Variants in MYADM observed in about 807,000 individuals in gnomAD.
MYADM encodes myeloid associated differentiation marker, also known as myeloid-associated differentiation marker.
For missense variants in MYADM, 416 were observed against 443.4 expected (o/e 0.94, Z 0.56); for synonymous variants, 224 against 210.2 (o/e 1.07, Z -0.57).
At chr19:53,866,801 G>A (rs2068252516), upstream of MYADM, among the ~76,000 whole-genome samples, 1 of 152,180 alleles carries the variant, frequency 6.6e-6, no homozygotes, top group Non-Finnish European at 1.5e-5. This position sits in a 1 kb window ranked among gnomAD's most constrained non-coding sequence, Gnocchi z 4.3. Context: ...ACCCGAGTCT[G>A]AGCTTTAATG....
chr19:53,867,695 G>A (rs2068265756), upstream of MYADM, among the ~76,000 whole-genome samples: 1 of 152,152 alleles, frequency 6.6e-6, no homozygotes, highest in Admixed American at 6.5e-5. Context: ...GGGGTGGGGC[G>A]GGAGCTCCAC....
rs959493739 is a variant in MYADM, at chr19:53,873,189, G to A, written c.-2-339G>A. On this transcript the variant is annotated intron_variant, in intron 2 of 2. Transcript: ENST00000391770. The surrounding 1 kb of genome is among the most constrained non-coding windows in gnomAD (Gnocchi z 4.3). ...GATCGAGACCATCCTGGCTAACACA[G>A]TGAAACCCCGTCTCTACTAAAAATA... 2.6e-5 allele frequency among the ~76,000 whole-genome samples: 4 copies of A among 152,156 alleles called. No homozygotes were observed. The highest frequency in any genetic ancestry group is 9.7e-5 in the African/African-American group (4 of 41,434).
intron 2 of MYADM, among the ~76,000 whole-genome samples, 185 bp downstream of exon 2, chr19:53,870,023 G>A (rs1201042602): frequency 3.9e-5 from 5 of 126,928 alleles, no homozygotes; most frequent in Non-Finnish European, 8.0e-5. Flanking sequence ...TGGGCTCCTG[G>A]GTCCGAGGGA....
intron 2 of MYADM, among the ~76,000 whole-genome samples, chr19:53,870,719 A>G (rs80277327): frequency 6.6e-6 from 1 of 152,276 alleles, no homozygotes; most frequent in East Asian, 1.9e-4. Flanking sequence ...CCTTGGGTTT[A>G]GTCCTGTGGC....
Position 53,873,632 on chromosome 19 carries a change from C to T in MYADM, c.103C>T (p.Pro35Ser), listed in dbSNP as rs769590254. The T allele has an allele frequency of 3.1e-6, 5 of 1,614,086 alleles. No individual in the cohort carries two copies. Among genetic ancestry groups the T allele is most frequent in the Non-Finnish European group, 4.2e-6 (5 of 1,180,058 alleles). ...GGGGTCCCCTCGGGCCCTGACACAG[C>T]CCCTGGGTCTCCTTCGCCTGCTGCA... Reference protein sequence around the residue: ...IVGSPRALTQPLGLLRLLQLV... With the variant: ...IVGSPRALTQSLGLLRLLQLV... Residue 35 changes from proline to serine, a missense_variant, in exon 3 of 3, where the codon CCC becomes TCC. Coordinates refer to ENST00000391770, the MANE Select transcript of MYADM (RefSeq NM_138373.5). This position sits in a 1 kb window ranked among gnomAD's most constrained non-coding sequence, Gnocchi z 4.3.
chr19:53,869,200 A>G (rs1272284186), intron 1 of MYADM: 1 of 152,332 alleles, frequency 6.6e-6, no homozygotes, highest in Admixed American at 6.5e-5. Flanking sequence ...AGCCCCTCAG[A>G]GGCCCGGGTC....
chr19:53,874,418 G>A lies in MYADM; in HGVS notation c.889G>A (p.Ala297Thr). Residue 297 changes from alanine (A) to threonine (T), a missense_variant, in exon 3 of 3, where the codon GCC (alanine) becomes ACC (threonine). By Grantham distance (58) the Ala-to-Thr change is moderately conservative. Transcript: ENST00000391770. Reference sequence around the variant, plus strand: ...TGCCTGGGACCGCCGACTGGCTGTGGCCATCCTGACGGCCATCAACCTACT... The same window carrying A: ...TGCCTGGGACCGCCGACTGGCTGTGACCATCCTGACGGCCATCAACCTACT... The part of the protein sequence containing the change: ...VCAWDRRLAV[A>T]ILTAINLLAY... 1.9e-6 allele frequency: 3 copies of A among 1,614,180 alleles called. No individual in the cohort carries two copies. The highest frequency in any genetic ancestry group is 1.3e-5 in the African/African-American group (1 of 75,066).
At position 53,873,440 on chromosome 19, in the gene MYADM, A is replaced by G. The variant is rs1184224720; in HGVS notation, c.-2-88A>G. ...GAACTCCCTAATTAGAGCTCATATTAATTTGTCCCTGGGGTAGGCAATGGC... is the reference window on the plus strand; with the variant it reads ...GAACTCCCTAATTAGAGCTCATATTGATTTGTCCCTGGGGTAGGCAATGGC... On this transcript the variant is annotated intron_variant, in intron 2 of 2. Coordinates refer to ENST00000391770, the MANE Select transcript of MYADM (RefSeq NM_138373.5). The surrounding 1 kb of genome is among the most constrained non-coding windows in gnomAD (Gnocchi z 4.3). 1 of 1,388,792 alleles carries G rather than the reference A, an allele frequency of 7.2e-7. No homozygotes were observed. Among genetic ancestry groups the G allele is most frequent in the African/African-American group, 1.4e-5 (1 of 69,152 alleles). The allele number at this position is 1,388,792 out of a possible 1,614,324, so 86.0% of individuals were successfully genotyped here.
Position 53,874,725 on chromosome 19 carries a change from T to C in MYADM, c.*227T>C. 1 of 448,842 alleles carries C rather than the reference T, an allele frequency of 2.2e-6. No homozygotes were observed. Among genetic ancestry groups the C allele is most frequent in the Non-Finnish European group, 4.0e-6 (1 of 248,744 alleles). 27.8% of individuals were successfully genotyped at this position (448,842 alleles called of 1,614,324 possible). A position where few individuals can be genotyped will look rare whatever the true frequency, so the allele number is the denominator to read the frequency against. ...CTGTTTCCTTCCTGTGTTGTTTTGT[T>C]GCCCACATCCTGTTTTCACCCCTGA... On this transcript the variant is annotated 3_prime_UTR_variant, in exon 3 of 3. Transcript: ENST00000391770.
Position 53,873,477 on chromosome 19 carries a change from G to A in MYADM, c.-2-51G>A. On this transcript the variant is annotated intron_variant, in intron 2 of 2. Transcript: ENST00000391770. The surrounding 1 kb of genome is among the most constrained non-coding windows in gnomAD (Gnocchi z 4.3). ...GGGTAGGCAATGGCTAAGGGACCTG[G>A]ATTCTTATGTTTGTGACTGTATAAG... 1 of 1,527,058 alleles carries A rather than the reference G, an allele frequency of 6.5e-7. No homozygotes were observed. Among genetic ancestry groups the A allele is most frequent in the South Asian group, 1.3e-5 (1 of 77,588 alleles). The allele number at this position is 1,527,058 out of a possible 1,614,324, so 94.6% of individuals were successfully genotyped here.
At position 53,873,733 on chromosome 19, in the gene MYADM, C is replaced by A; in HGVS notation, c.204C>A (p.Ser68=). ...GAWTGSMGNW[S]MFTWCFCFSV... ...GGACGGGGTCCATGGGCAACTGGTC[C>A]ATGTTCACCTGGTGCTTCTGCTTCT... The change falls in exon 3 of 3, where the codon TCC becomes TCA. Residue 68 remains serine, a synonymous_variant. Transcript: ENST00000391770. The surrounding 1 kb of genome is among the most constrained non-coding windows in gnomAD (Gnocchi z 4.3). 1 of 1,614,090 alleles carries A rather than the reference C, an allele frequency of 6.2e-7. No individual in the cohort carries two copies.
chr19:53,869,465 C>T (rs1415522372), intron 1 of MYADM: 2 of 152,846 alleles, frequency 1.3e-5, no homozygotes, highest in Non-Finnish European at 2.9e-5. Flanking sequence ...CGCCCGCCTC[C>T]ACAGCCGCCG....
rs777170513 is a variant in MYADM at position 53,873,619 on chromosome 19, G to A, written c.90G>A (p.Arg30=). The A allele has an allele frequency of 6.2e-7, 1 of 1,614,128 alleles. No homozygotes were observed. Among genetic ancestry groups the A allele is most frequent in the South Asian group, 1.1e-5 (1 of 91,074 alleles). Residue 30 remains arginine, a synonymous_variant, in exon 3 of 3, where the codon CGG becomes CGA. Transcript: ENST00000391770. The surrounding 1 kb of genome is among the most constrained non-coding windows in gnomAD (Gnocchi z 4.3). ...LGSPMIVGSP[R]ALTQPLGLLR... is the part of the protein sequence containing the mutation. ...CCCCCATGATCGTGGGGTCCCCTCGGGCCCTGACACAGCCCCTGGGTCTCC... is the reference window on the plus strand; with the variant it reads ...CCCCCATGATCGTGGGGTCCCCTCGAGCCCTGACACAGCCCCTGGGTCTCC...
rs2068520592 is a variant in MYADM at position 53,875,723 on chromosome 19, C to G, written c.*1225C>G. The G allele has an allele frequency of 6.5e-6, 1 of 153,356 alleles. No homozygotes were observed. Among genetic ancestry groups the G allele is most frequent in the African/African-American group, 2.4e-5 (1 of 41,334 alleles). 9.5% of individuals were successfully genotyped at this position (153,356 alleles called of 1,614,324 possible). A position where few individuals can be genotyped will look rare whatever the true frequency, so the allele number is the denominator to read the frequency against. On this transcript the variant is annotated 3_prime_UTR_variant, in exon 3 of 3. Coordinates refer to ENST00000391770, the MANE Select transcript of MYADM (RefSeq NM_138373.5). ...AATTAGCCGGGCGTGGTGGCGGGCG[C>G]CTGTAATCCCAGGTATTTGGGGGGA... is the stretch of plus-strand genomic sequence containing the variant.
Position 53,873,510 on chromosome 19 carries a change from T to G in MYADM, c.-2-18T>G. ...TGTTTGTGACTGTATAAGGACACTGTCTTTCCCCTTTTTGCAGCCATGCCA... is the reference window on the plus strand; with the variant it reads ...TGTTTGTGACTGTATAAGGACACTGGCTTTCCCCTTTTTGCAGCCATGCCA... On this transcript the variant is annotated intron_variant, in intron 2 of 2. Transcript: ENST00000391770. The surrounding 1 kb of genome is among the most constrained non-coding windows in gnomAD (Gnocchi z 4.3). 1.4e-5 allele frequency: 22 copies of G among 1,584,904 alleles called. No homozygotes were observed. The highest frequency in any genetic ancestry group is 1.8e-5 in the Non-Finnish European group (21 of 1,164,262).
Position 53,873,823 on chromosome 19 carries a change from G to A in MYADM, c.294G>A (p.Trp98Ter). 6.2e-7 allele frequency: 1 copy of A among 1,613,632 alleles called. No homozygotes were observed. The highest frequency in any genetic ancestry group is 8.5e-7 in the Non-Finnish European group (1 of 1,180,018). The change falls in exon 3 of 3, where the codon TGG becomes TGA. Residue 98 changes from tryptophan (W) to a stop codon, truncating the protein, a stop_gained. Transcript: ENST00000391770. LOFTEE classifies it low-confidence loss of function (END_TRUNC). The surrounding 1 kb of genome is among the most constrained non-coding windows in gnomAD (Gnocchi z 4.3). ...CGLQARFPLS[W>*]RNFPITFACY... is the part of the protein sequence containing the mutation. Reference sequence around the variant, plus strand: ...TCCAGGCCCGCTTCCCCCTGTCTTGGCGCAACTTCCCCATCACCTTCGCCT... The same window carrying A: ...TCCAGGCCCGCTTCCCCCTGTCTTGACGCAACTTCCCCATCACCTTCGCCT...
At position 53,876,261 on chromosome 19, in the gene MYADM, G is replaced by GATATATATATAT. The variant is rs4023843; in HGVS notation, c.*1773_*1784dup. The GATATATATATAT allele has an allele frequency of 1.3e-3, 190 of 149,750 alleles. 1 individual carries two copies. The highest frequency in any genetic ancestry group is 4.8e-3 in the African/African-American group (187 of 39,168). 9.3% of individuals were successfully genotyped at this position (149,750 alleles called of 1,614,324 possible). A position where few individuals can be genotyped will look rare whatever the true frequency, so the allele number is the denominator to read the frequency against. On this transcript the variant is annotated 3_prime_UTR_variant, in exon 3 of 3. Transcript: ENST00000391770. ...TGTCTGGGACTCACATACATAACGT[G>GATATATATATAT]ATATATATATATATATATATAAATG...
rs553680859 is a variant in MYADM at position 53,873,800 on chromosome 19, C to G, written c.271C>G (p.Gln91Glu). The change falls in exon 3 of 3, where the codon CAG becomes GAG. Residue 91 changes from glutamine to glutamate, a missense_variant. Physicochemically the swap from Gln to Glu is conservative, Grantham distance 29. Coordinates refer to ENST00000391770, the MANE Select transcript of MYADM (RefSeq NM_138373.5). This position sits in a 1 kb window ranked among gnomAD's most constrained non-coding sequence, Gnocchi z 4.3. ...IILIVELCGLQARFPLSWRNF... is the reference protein window; with the variant it reads ...IILIVELCGLEARFPLSWRNF... The stretch of plus-strand genomic sequence containing the variant: ...CCTCATCGTGGAGCTGTGCGGGCTC[C>G]AGGCCCGCTTCCCCCTGTCTTGGCG... The G allele has an allele frequency of 1.9e-6, 3 of 1,613,786 alleles. No individual in the cohort carries two copies. In the African/African-American group the frequency reaches 4.0e-5, roughly 21 times the overall value.
At chr19:53,869,027 T>A (rs2068302009) in intron 1 of MYADM, 1 of 152,262 alleles carries the variant, frequency 6.6e-6, no homozygotes, top group African/African-American at 2.4e-5. Flanking sequence ...TCCTTCTCCT[T>A]CGAGGGTCCT....
Sources: allele counts gnomAD v4.1 joint callset (sites outside exome capture counted in the v4.1 genomes callset), GRCh38; gene constraint gnomAD v4.1.1; non-coding constraint Gnocchi (gnomAD v3.1); transcripts MANE v1.5; gene names NCBI Gene and HGNC (gene_info 2026-07-23, HGNC 2026-07-21).